The following TMEM204 variants were observed in gnomAD, a reference collection of about 807,000 sequenced individuals.
The protein encoded by TMEM204 is claudin-like protein 24.
Under a neutral mutation model 19.4 loss-of-function variants are expected in TMEM204, and 15 were observed. That is an observed-to-expected ratio of 0.77 (90% CI 0.52 to 1.19). The LOEUF (loss-of-function observed/expected upper bound fraction) is 1.19, where lower values mean the gene tolerates loss of function less well. TMEM204 is among the 50% of genes most tolerant of loss of function. The pLI, the probability that TMEM204 is intolerant of heterozygous loss-of-function variation, is 0.00. For missense variants in TMEM204, 287 were observed against 321.2 expected, an observed-to-expected ratio of 0.89 and a Z score of 0.81; for synonymous variants, 161 against 146.0, an observed-to-expected ratio of 1.10 and a Z score of -0.74.
At chr16:1,552,810 A>G (rs8051895) in intron 2 of TMEM204, 78,928 of 206,160 alleles carry the variant, frequency 0.38, 17,340 homozygotes, top group African/African-American at 0.63. Context: ...ACCACACCTC[A>G]CTAATTTTTT....
At chr16:1,534,911 A>T (rs1418333537) in intron 1 of TMEM204, among the ~76,000 whole-genome samples, 2 of 152,172 alleles carry the variant, frequency 1.3e-5, no homozygotes, top group Non-Finnish European at 2.9e-5. Flanking sequence ...CTTGGTTGAA[A>T]ATAATTATTA....
intron 2 of TMEM204, among the ~76,000 whole-genome samples, chr16:1,543,703 C>T (rs1348401231): frequency 1.3e-5 from 2 of 152,224 alleles, no homozygotes; most frequent in Non-Finnish European, 2.9e-5. Context: ...TCCTCCCCTC[C>T]TGCATGACTG....
intron 2 of TMEM204, 93 bp downstream of exon 2, chr16:1,542,169 G>A: frequency 1.5e-6 from 2 of 1,344,224 alleles, no homozygotes; most frequent in Non-Finnish European, 2.0e-6. Flanking sequence ...TGGCCTGGGG[G>A]GAAGCTGCAG....
chr16:1,551,218 GCCTGCCCTGT>G lies in TMEM204; in HGVS notation c.437-3563_437-3554del. ...GTGGGGCAAGTTCTGGCCCCGGGGA[GCCTGCCCTGT>G]GGCGGGGGAGAGCGGCCAGAGCCAC... On this transcript the variant is annotated intron_variant, in intron 2 of 2. Transcript: ENST00000566264. This position sits in a 1 kb window ranked among gnomAD's most constrained non-coding sequence, Gnocchi z 4.0. Among the ~76,000 whole-genome samples the G allele has an allele frequency of 6.6e-6, 1 of 152,372 alleles. No homozygotes were observed. The highest frequency in any genetic ancestry group is 1.5e-5 in the Non-Finnish European group (1 of 68,040).
intron 1 of TMEM204, among the ~76,000 whole-genome samples, 182 bp downstream of exon 1, chr16:1,534,737 C>CT (rs1461866595): frequency 6.6e-6 from 1 of 150,864 alleles, no homozygotes; most frequent in Non-Finnish European, 1.5e-5. Context: ...CCAAGGCCCC[C>CT]TCTCCCTGGT....
rs926484270 is a variant in TMEM204 at position 1,551,670 on chromosome 16, C to A, written c.437-3112C>A. ...CTCACTGTCGAACCCAACTTCAGGA[C>A]ATGCTTGTTCACGGAAGAGCCTAAG... On this transcript the variant is annotated intron_variant, in intron 2 of 2. Coordinates refer to ENST00000566264, the MANE Select transcript of TMEM204 (RefSeq NM_024600.6). This position sits in a 1 kb window ranked among gnomAD's most constrained non-coding sequence, Gnocchi z 4.0. 6.6e-6 allele frequency among the ~76,000 whole-genome samples: 1 copy of A among 152,188 alleles called. No individual in the cohort carries two copies. The highest frequency in any genetic ancestry group is 2.4e-5 in the African/African-American group (1 of 41,438).
intron 2 of TMEM204, among the ~76,000 whole-genome samples, chr16:1,544,069 G>A (rs1385180813): frequency 6.6e-6 from 1 of 150,482 alleles, no homozygotes; most frequent in African/African-American, 2.5e-5. Flanking sequence ...CCATGCTGGA[G>A]TGCAGTGGCG....
At chr16:1,554,354 G>C (rs1441720641) in intron 2 of TMEM204, among the ~76,000 whole-genome samples, 1 of 152,254 alleles carries the variant, frequency 6.6e-6, no homozygotes, top group East Asian at 1.9e-4. Context: ...AAAAGTCAGA[G>C]ATGGATTTAA....
At position 1,534,305 on chromosome 16, in the gene TMEM204, C is replaced by A; in HGVS notation, c.30C>A (p.Ala10=). 6.2e-7 allele frequency: 1 copy of A among 1,612,546 alleles called. No individual in the cohort carries two copies. Among genetic ancestry groups the A allele is most frequent in the Non-Finnish European group, 8.5e-7 (1 of 1,179,856 alleles). ...CCGTGCAGAGACTCGTGGCCGCGGC[C>A]GTGCTGGTGGCCCTGGTCTCACTCA... is the stretch of plus-strand genomic sequence containing the variant. MTVQRLVAA[A]VLVALVSLIL... The change falls in exon 1 of 3, where the codon GCC becomes GCA. Residue 10 remains alanine, a synonymous_variant. Coordinates refer to ENST00000566264, the MANE Select transcript of TMEM204 (RefSeq NM_024600.6).
At chr16:1,554,235 G>T in intron 2 of TMEM204, 1 of 760,776 alleles carries the variant, frequency 1.3e-6, no homozygotes, top group Non-Finnish European at 1.8e-6. Flanking sequence ...CAAAGGCCAA[G>T]AGCAAGAAAA....
In TMEM204 at chr16:1,541,033, C is replaced by T. The variant is rs569772449; in HGVS notation, c.281-888C>T. 19 of 985,440 alleles carry T rather than the reference C, an allele frequency of 1.9e-5. No individual in the cohort carries two copies. In the African/African-American group the frequency reaches 2.1e-4, roughly 11 times the overall value. The allele number at this position is 985,440 out of a possible 1,614,324, so 61.0% of individuals were successfully genotyped here. A position where few individuals can be genotyped will look rare whatever the true frequency, so the allele number is the denominator to read the frequency against. On this transcript the variant is annotated intron_variant, in intron 1 of 2. Transcript: ENST00000566264. ...TTTGCGGGAGAACATTTCTCTGCTACAGAAACGTGACGAGCCCTGGTCCCT... is the reference window on the plus strand; with the variant it reads ...TTTGCGGGAGAACATTTCTCTGCTATAGAAACGTGACGAGCCCTGGTCCCT...
At position 1,554,970 on chromosome 16, in the gene TMEM204, C is replaced by G; in HGVS notation, c.625C>G (p.Leu209Val). Reference protein sequence around the residue: ...APRVIVISRSLTARFRRGLDN... With the variant: ...APRVIVISRSVTARFRRGLDN... ...CCGGGTGATTGTCATCAGCCGCTCC[C>G]TGACAGCGCGCTTTCGCCGTGGGCT... The change falls in exon 3 of 3, where the codon CTG (leucine) becomes GTG (valine). Residue 209 changes from leucine (L) to valine (V), a missense_variant. Transcript: ENST00000566264. 6.2e-7 allele frequency: 1 copy of G among 1,613,960 alleles called. No homozygotes were observed.
At chr16:1,534,707 G>A in intron 1 of TMEM204, 152 bp downstream of exon 1, 1 of 1,154,712 alleles carries the variant, frequency 8.7e-7, no homozygotes, top group Non-Finnish European at 1.2e-6. Flanking sequence ...GGGGCACTGT[G>A]TCTCCCAGGG....
upstream of TMEM204, chr16:1,532,779 T>G (rs1010384125): frequency 6.6e-6 from 1 of 152,214 alleles, no homozygotes; most frequent in Admixed American, 6.5e-5. Flanking sequence ...TCTCGTGGTG[T>G]CTGCCCAGCT....
chr16:1,550,962 C>T (rs2032585341), intron 2 of TMEM204, among the ~76,000 whole-genome samples: 1 of 152,180 alleles, frequency 6.6e-6, no homozygotes, highest in Non-Finnish European at 1.5e-5. Context: ...AATCGTGCTG[C>T]CCCTCCGTGA....
At chr16:1,541,853 C>T (rs1174841079) in intron 1 of TMEM204, 68 bp from the exon 2 acceptor site, 27 of 1,479,444 alleles carry the variant, frequency 1.8e-5, no homozygotes, top group Middle Eastern at 1.8e-4. Flanking sequence ...ACGAAAGTGG[C>T]GTGACGGCTG....
rs546800995 is a variant in TMEM204, at chr16:1,537,992, C to T, written c.280+3437C>T. ...AGCTGAACCACGTTCTCACCGACACCTTTAAAAGTCAGCTGCTACCACGCA... is the reference window on the plus strand; with the variant it reads ...AGCTGAACCACGTTCTCACCGACACTTTTAAAAGTCAGCTGCTACCACGCA... On this transcript the variant is annotated intron_variant, in intron 1 of 2. Transcript: ENST00000566264. 2.0e-5 allele frequency among the ~76,000 whole-genome samples: 3 copies of T among 152,360 alleles called. No individual in the cohort carries two copies. The East Asian group carries it at 5.8e-4, about 29-fold the overall frequency.
rs1249671129 is a variant in TMEM204 at position 1,534,511 on chromosome 16, G to A, written c.236G>A (p.Gly79Asp). 3 of 1,607,934 alleles carry A rather than the reference G, an allele frequency of 1.9e-6. No homozygotes were observed. The highest frequency in any genetic ancestry group is 1.7e-6 in the Non-Finnish European group (2 of 1,179,892). The change falls in exon 1 of 3, where the codon GGC (glycine) becomes GAC (aspartate). Residue 79 changes from glycine (G) to aspartate (D), a missense_variant. Gly to Asp is a moderately conservative substitution (Grantham distance 94). Transcript: ENST00000566264. ...DAHDCEALGW[G>D]SEAAGFQESR... ...CATGACTGTGAGGCGCTGGGCTGGG[G>A]CTCCGAGGCAGCCGGCTTCCAGGAG...
Position 1,551,784 on chromosome 16 carries a change from C to T in TMEM204, c.437-2998C>T, listed in dbSNP as rs1024652695. Among the ~76,000 whole-genome samples the T allele has an allele frequency of 1.3e-4, 20 of 152,306 alleles. No homozygotes were observed. The highest frequency in any genetic ancestry group is 4.1e-4 in the African/African-American group (17 of 41,560). ...CCACACGTGCGTGGTCCGGCAGATC[C>T]GGCAAGATCAACTCTGCGGGACCTC... On this transcript the variant is annotated intron_variant, in intron 2 of 2. Coordinates refer to ENST00000566264, the MANE Select transcript of TMEM204 (RefSeq NM_024600.6). The surrounding 1 kb of genome is among the most constrained non-coding windows in gnomAD (Gnocchi z 4.0).
Sources: gnomAD v4.1 joint callset for allele counts (sites outside exome capture counted in the v4.1 genomes callset) on GRCh38, gnomAD v4.1.1 for gene constraint, Gnocchi (gnomAD v3.1) non-coding constraint, MANE v1.5 for transcripts, NCBI Gene and HGNC (gene_info 2026-07-23, HGNC 2026-07-21) for gene names.